DENND5A: variants seen among roughly 807,000 people sequenced by gnomAD.
The protein encoded by DENND5A is DENN domain containing 5A.
In DENND5A, 64 loss-of-function variants were observed where a neutral mutation model predicts 140.3. That is an observed-to-expected ratio of 0.46 (90% CI 0.37 to 0.56). The LOEUF (loss-of-function observed/expected upper bound fraction) is 0.56, where lower values mean the gene tolerates loss of function less well. Ranked by LOEUF, DENND5A falls within the 20% of genes least tolerant of loss-of-function variation. The pLI is 0.00. For synonymous variants in DENND5A, 605 were observed against 607.7 expected, an observed-to-expected ratio of 1.00 and a Z score of 0.07; for missense variants, 1,292 against 1,593.8, an observed-to-expected ratio of 0.81 and a Z score of 3.22.
At chr11:9,216,982 G>T (rs1349377392) in intron 1 of DENND5A, among the ~76,000 whole-genome samples, 1 of 152,170 alleles carries the variant, frequency 6.6e-6, no homozygotes, top group African/African-American at 2.4e-5. Flanking sequence ...GCTGCAGTGA[G>T]CTATGATCAC....
intron 5 of DENND5A, among the ~76,000 whole-genome samples, chr11:9,191,404 A>AT (rs1849121630): frequency 6.6e-6 from 1 of 151,942 alleles, no homozygotes; most frequent in African/African-American, 2.4e-5. Context: ...TGCCCAGCTA[A>AT]TTTTTTTGTA....
chr11:9,251,154 A>AAAAG lies in DENND5A; in HGVS notation c.109+13803_109+13806dup, dbSNP rs1213385182. 2.2e-3 allele frequency among the ~76,000 whole-genome samples: 320 copies of AAAAG among 147,080 alleles called. 1 individual carries two copies. Among genetic ancestry groups the AAAAG allele is most frequent in the Non-Finnish European group, 3.6e-3 (241 of 66,382 alleles). On this transcript the variant is annotated intron_variant, in intron 1 of 22. Transcript: ENST00000328194. ...CATCTCAAACAAAAAAAAAAAAAAAAAAAGAAAGAAAGATATCAAGGAATC... is the reference window on the plus strand; with the variant it reads ...CATCTCAAACAAAAAAAAAAAAAAAAAAAGAAAGAAAGAAAGATATCAAGGAATC...
At chr11:9,197,232 G>A (rs1217799204) in intron 4 of DENND5A, among the ~76,000 whole-genome samples, 2 of 151,540 alleles carry the variant, frequency 1.3e-5, no homozygotes, top group Non-Finnish European at 1.5e-5. Flanking sequence ...TTGAACCCGG[G>A]AGGCAGAGGT....
chr11:9,246,546 A>T (rs1851479534), intron 1 of DENND5A, among the ~76,000 whole-genome samples: 1 of 144,752 alleles, frequency 6.9e-6, no homozygotes, highest in Admixed American at 7.1e-5. Context: ...CAGGGGGTGG[A>T]GGTTACAGTA....
rs1848173546 is a variant in DENND5A at position 9,165,887 on chromosome 11, G to C, written c.2232C>G (p.Ala744=). 3 of 1,613,916 alleles carry C rather than the reference G, an allele frequency of 1.9e-6. No individual in the cohort carries two copies. ...KLSNLSPSVI[A]QTNWKFVEGL... ...CCTCTACAAACTTCCAATTGGTCTG[G>C]GCAATCACTGATGGAGAGAGGTTGG... Residue 744 remains alanine, a synonymous_variant, in exon 11 of 23, where the codon GCC becomes GCG. Transcript: ENST00000328194.
intron 1 of DENND5A, among the ~76,000 whole-genome samples, chr11:9,214,681 G>C (rs763564381): frequency 3.3e-5 from 5 of 152,158 alleles, no homozygotes. Context: ...TACAAGCAGT[G>C]AACTGTCCAC....
At chr11:9,144,890 A>G (rs1023278113) in intron 18 of DENND5A, 105 bp downstream of exon 18, 2 of 791,448 alleles carry the variant, frequency 2.5e-6, no homozygotes, top group African/African-American at 3.4e-5. Flanking sequence ...GCCTCAGGTT[A>G]TCACAACCTA....
chr11:9,147,243 G>A (rs1186250788), intron 15 of DENND5A, 92 bp from the exon 16 acceptor site: 1 of 1,364,104 alleles, frequency 7.3e-7, no homozygotes, highest in East Asian at 2.3e-5. Context: ...GCTAAGGGAA[G>A]CATAAGATGT....
intron 1 of DENND5A, among the ~76,000 whole-genome samples, chr11:9,261,928 A>T (rs2136309594): frequency 1.3e-5 from 2 of 152,166 alleles, no homozygotes; most frequent in Middle Eastern, 3.4e-3. Flanking sequence ...GCATTCCACT[A>T]CTGCAACCAC....
At chr11:9,222,101 T>C (rs1400829997) in intron 1 of DENND5A, among the ~76,000 whole-genome samples, 1 of 152,204 alleles carries the variant, frequency 6.6e-6, no homozygotes, top group Non-Finnish European at 1.5e-5. Context: ...GCAGGGGTCT[T>C]TTAAGAGGAC....
chr11:9,234,518 C>A (rs921339345), intron 1 of DENND5A, among the ~76,000 whole-genome samples: 1 of 152,078 alleles, frequency 6.6e-6, no homozygotes, highest in East Asian at 1.9e-4. Context: ...TGGGAACAGG[C>A]CCCCCAAAAT....
chr11:9,191,331 G>T (rs148803929), intron 5 of DENND5A, among the ~76,000 whole-genome samples: 2 of 151,910 alleles, frequency 1.3e-5, no homozygotes, highest in Non-Finnish European at 1.5e-5. Context: ...CTCTGGCTCC[G>T]GGCTTCAACA....
chr11:9,202,598 C>T (rs961113007), intron 4 of DENND5A, among the ~76,000 whole-genome samples: 1 of 152,130 alleles, frequency 6.6e-6, no homozygotes, highest in Non-Finnish European at 1.5e-5. Flanking sequence ...ACTCTGATGG[C>T]TATCTAAGAG....
At position 9,139,684 on chromosome 11, in the gene DENND5A, C is replaced by T. The variant is rs1245909183; in HGVS notation, c.3851G>A (p.Gly1284Asp). ...GGTGCTGGGAGGTCAGATGTCGATG[C>T]CCTTGACAAGGGACGTCTCCAGCGT... The part of the protein sequence containing the change: ...NITLETSLVK[G>D]IDI The change falls in exon 23 of 23, where the codon GGC becomes GAC. Residue 1284 changes from glycine to aspartate, a missense_variant. This residue lies in a region of DENND5A where 498 missense variants were observed against 689.7 expected (regional missense o/e 0.72). Transcript: ENST00000328194. The T allele has an allele frequency of 6.2e-7, 1 of 1,613,498 alleles. No homozygotes were observed. Among genetic ancestry groups the T allele is most frequent in the South Asian group, 1.1e-5 (1 of 90,918 alleles).
intron 5 of DENND5A, among the ~76,000 whole-genome samples, chr11:9,192,347 G>A (rs184968576): frequency 1.5e-4 from 23 of 152,232 alleles, no homozygotes; most frequent in Admixed American, 3.9e-4. Context: ...CTCTACCCCC[G>A]GCCGGGCGCG....
At chr11:9,177,277 GA>G (rs796879381) in intron 8 of DENND5A, among the ~76,000 whole-genome samples, 70 of 129,884 alleles carry the variant, frequency 5.4e-4, no homozygotes, top group Non-Finnish European at 5.3e-4. Context: ...AAGAAAGAAA[GA>G]AAAAAAAAAA....
intron 3 of DENND5A, among the ~76,000 whole-genome samples, chr11:9,205,738 A>T (rs6486206): frequency 0.62 from 94,009 of 152,054 alleles, 29,672 homozygotes; most frequent in African/African-American, 0.72. Flanking sequence ...ATAAAAAAAA[A>T]ATCCAAAAAG....
Position 9,203,988 on chromosome 11 carries a change from G to C in DENND5A, c.621C>G (p.Ile207Met). The C allele has an allele frequency of 6.2e-7, 1 of 1,614,190 alleles. No individual in the cohort carries two copies. The highest frequency in any genetic ancestry group is 8.5e-7 in the Non-Finnish European group (1 of 1,180,032). ...TGAAAGACATGGGTGTGATGAGGCAGATGCACTTAGAGACGTAGAGAGTGT... is the reference window on the plus strand; with the variant it reads ...TGAAAGACATGGGTGTGATGAGGCACATGCACTTAGAGACGTAGAGAGTGT... ...SRDTLYVSKC[I>M]CLITPMSFMK... The change falls in exon 4 of 23, where the codon ATC (isoleucine) becomes ATG (methionine). Residue 207 changes from isoleucine (I) to methionine (M), a missense_variant. Ile to Met is a conservative substitution (Grantham distance 10, BLOSUM62 1). Coordinates refer to ENST00000328194, the MANE Select transcript of DENND5A (RefSeq NM_015213.4).
Position 9,139,382 on chromosome 11 carries a change from C to T in DENND5A, c.*289G>A. ...CCACAGGCTCAGTCCAGGGAGGCCT[C>T]AGGCTTCCAGCATGTGGCCACGGCG... On this transcript the variant is annotated 3_prime_UTR_variant, in exon 23 of 23. Coordinates refer to ENST00000328194, the MANE Select transcript of DENND5A (RefSeq NM_015213.4). 1 of 405,594 alleles carries T rather than the reference C, an allele frequency of 2.5e-6. No homozygotes were observed. Among genetic ancestry groups the T allele is most frequent in the Non-Finnish European group, 4.5e-6 (1 of 220,164 alleles). 25.1% of individuals were successfully genotyped at this position (405,594 alleles called of 1,614,324 possible). A position where few individuals can be genotyped will look rare whatever the true frequency, so the allele number is the denominator to read the frequency against.
Sources: allele counts gnomAD v4.1 joint callset (sites outside exome capture counted in the v4.1 genomes callset), GRCh38; gene constraint gnomAD v4.1.1; regional missense constraint gnomAD v4.1.1; transcripts MANE v1.5; gene names NCBI Gene and HGNC (gene_info 2026-07-23, HGNC 2026-07-21).